The following ZNF585B variants were observed in gnomAD, a reference collection of about 807,000 sequenced individuals.
ZNF585B encodes the protein zinc finger protein 585B, also known as zinc finger protein 41-like protein.
In ZNF585B, 7 loss-of-function variants were observed where a neutral mutation model predicts 14.0. The ratio of observed to expected loss-of-function variants is 0.50; its 90% CI spans 0.28 to 0.94. The LOEUF (loss-of-function observed/expected upper bound fraction) is 0.94, where lower values mean the gene tolerates loss of function less well. Ranked by LOEUF, ZNF585B falls within the 40% of genes least tolerant of loss-of-function variation. The pLI is 0.09. For missense variants in ZNF585B, 750 were observed against 924.4 expected, an observed-to-expected ratio of 0.81 and a Z score of 2.45; for synonymous variants, 290 against 317.3, an observed-to-expected ratio of 0.91 and a Z score of 0.91.
At chr19:37,195,345 C>CAAAAA (rs71177429) in intron 2 of ZNF585B, among the ~76,000 whole-genome samples, 148 of 14,296 alleles carry the variant, frequency 0.01, 6 homozygotes, top group Non-Finnish European at 0.013. Context: ...GACTCTGACT[C>CAAAAA]AAAAAAAAAA....
chr19:37,187,013 G>A lies in ZNF585B; in HGVS notation c.524C>T (p.Thr175Ile), dbSNP rs1490915799. The A allele has an allele frequency of 6.2e-7, 1 of 1,613,178 alleles. No individual in the cohort carries two copies. Among genetic ancestry groups the A allele is most frequent in the Non-Finnish European group, 8.5e-7 (1 of 1,179,758 alleles). Residue 175 changes from threonine to isoleucine, a missense_variant, in exon 5 of 5, where the codon ACA (threonine) becomes ATA (isoleucine). Transcript: ENST00000532828. The stretch of plus-strand genomic sequence containing the variant: ...CTCTCTCATATGGGTTTTCTGATGT[G>A]TGATGAATTCTGGCTTCTGTACAAA... ...RAFVQKPEFI[T>I]HQKTHMREKP...
At chr19:37,189,638 C>A in intron 4 of ZNF585B, 23 bp downstream of exon 4, 1 of 1,612,068 alleles carries the variant, frequency 6.2e-7, no homozygotes, top group South Asian at 1.1e-5. Context: ...TAACCTGAGT[C>A]ACATTCACCT....
intron 1 of ZNF585B, 47 bp from the exon 2 acceptor site, chr19:37,207,301 C>T: frequency 7.3e-7 from 1 of 1,375,044 alleles, no homozygotes; most frequent in Middle Eastern, 2.2e-4. Flanking sequence ...ACTACATAAA[C>T]ACTTCCTGGA....
rs1244209003 is a variant in ZNF585B at position 37,199,104 on chromosome 19, T to C, written c.72+7936A>G. On this transcript the variant is annotated intron_variant, in intron 2 of 4. Coordinates refer to ENST00000532828, the MANE Select transcript of ZNF585B (RefSeq NM_152279.4). Reference sequence around the variant, plus strand: ...TTTTTCTCTTTATCATACACTTGTATAGTCACACCCTACACACACCAAACT... The same window carrying C: ...TTTTTCTCTTTATCATACACTTGTACAGTCACACCCTACACACACCAAACT... 8.8e-6 allele frequency: 9 copies of C among 1,023,142 alleles called. No individual in the cohort carries two copies. The East Asian group carries it at 1.9e-4, about 22-fold the overall frequency. The allele number at this position is 1,023,142 out of a possible 1,614,324, so 63.4% of individuals were successfully genotyped here.
rs1972360039 is a variant in ZNF585B at position 37,188,193 on chromosome 19, A to G, written c.293-949T>C. The stretch of plus-strand genomic sequence containing the variant: ...TGAAATATAAAAATAAAGCAATGAC[A>G]AAAACAAACAAGCCCGGGCATGGTG... On this transcript the variant is annotated intron_variant, in intron 4 of 4. Transcript: ENST00000532828. Among the ~76,000 whole-genome samples the G allele has an allele frequency of 2.0e-5, 3 of 152,342 alleles. No individual in the cohort carries two copies. In the South Asian group the frequency reaches 6.2e-4, roughly 32 times the overall value.
Position 37,207,066 on chromosome 19 carries a change from G to A in ZNF585B, c.46C>T (p.Pro16Ser). ...TCATAGGAGCTGCCATGATCCTCTG[G>A]AGCCAGGGCTGAGGATTTCTGGGGT... ...TSPQKSSALA[P>S]EDHGSSYEGS... The change falls in exon 2 of 5, where the codon CCA becomes TCA. Residue 16 changes from proline (P) to serine (S), a missense_variant. By Grantham distance (74) the Pro-to-Ser change is moderately conservative (BLOSUM62 -1). This residue lies in a region of ZNF585B where 517 missense variants were observed against 570.3 expected (regional missense o/e 0.91). Coordinates refer to ENST00000532828, the MANE Select transcript of ZNF585B (RefSeq NM_152279.4). 1 of 1,614,106 alleles carries A rather than the reference G, an allele frequency of 6.2e-7. No individual in the cohort carries two copies. The highest frequency in any genetic ancestry group is 8.5e-7 in the Non-Finnish European group (1 of 1,180,022).
rs1972383911 is a variant in ZNF585B at position 37,190,153 on chromosome 19, G to A, written c.73-3C>T. 6.2e-7 allele frequency: 1 copy of A among 1,614,178 alleles called. No individual in the cohort carries two copies. The highest frequency in any genetic ancestry group is 8.5e-7 in the Non-Finnish European group (1 of 1,180,026). On this transcript the variant is annotated splice_region_variant and splice_polypyrimidine_tract_variant and intron_variant, in intron 2 of 4. Transcript: ENST00000532828. ...ACATCCCTGAAGGACACTGATCCCT[G>A]TAAGGGCACATTCCTGTTCAATGTG...
Position 37,192,613 on chromosome 19 carries a change from C to A in ZNF585B, c.73-2463G>T, listed in dbSNP as rs561181610. Among the ~76,000 whole-genome samples, 12 of 151,472 alleles carry A rather than the reference C, an allele frequency of 7.9e-5. No homozygotes were observed. In the South Asian group the frequency reaches 2.1e-3, roughly 26 times the overall value. On this transcript the variant is annotated intron_variant, in intron 2 of 4. Transcript: ENST00000532828. Reference sequence around the variant, plus strand: ...ATCACCTAAGGTCAGGAGTTCGAGACCAGCCTGGCCAACATGGTGAAACCC... The same window carrying A: ...ATCACCTAAGGTCAGGAGTTCGAGAACAGCCTGGCCAACATGGTGAAACCC...
At chr19:37,208,958 C>A (rs1423261702) in intron 1 of ZNF585B, among the ~76,000 whole-genome samples, 1 of 151,952 alleles carries the variant, frequency 6.6e-6, no homozygotes, top group Non-Finnish European at 1.5e-5. Context: ...CGGCATTGCA[C>A]TCCAGCCTGG....
chr19:37,190,728 G>A (rs529235218), intron 2 of ZNF585B, among the ~76,000 whole-genome samples: 1 of 151,268 alleles, frequency 6.6e-6, no homozygotes, highest in South Asian at 2.1e-4. Context: ...ACCATACCCG[G>A]CTAAATTTTG....
At chr19:37,191,928 G>A (rs1972406066) in intron 2 of ZNF585B, among the ~76,000 whole-genome samples, 1 of 152,142 alleles carries the variant, frequency 6.6e-6, no homozygotes, top group Non-Finnish European at 1.5e-5. Context: ...TACTCAGGAG[G>A]CTTAGGCAGG....
chr19:37,201,403 A>G (rs904069654), intron 2 of ZNF585B, among the ~76,000 whole-genome samples: 15 of 152,188 alleles, frequency 9.9e-5, no homozygotes, highest in Admixed American at 2.6e-4. Flanking sequence ...ACTTTACATA[A>G]TATCTCCCAG....
At chr19:37,190,695 A>C (rs1382867306) in intron 2 of ZNF585B, among the ~76,000 whole-genome samples, 1 of 151,654 alleles carries the variant, frequency 6.6e-6, no homozygotes, top group Admixed American at 6.6e-5. Flanking sequence ...CCTCCTGAGT[A>C]GCTGGGATTA....
At chr19:37,206,265 A>C (rs187180017) in intron 2 of ZNF585B, among the ~76,000 whole-genome samples, 8 of 152,126 alleles carry the variant, frequency 5.3e-5, no homozygotes, top group African/African-American at 1.9e-4. Flanking sequence ...CAGCCTGATC[A>C]ACACGGAGAA....
chr19:37,188,393 A>G (rs1266249453), intron 4 of ZNF585B, among the ~76,000 whole-genome samples: 1 of 152,168 alleles, frequency 6.6e-6, no homozygotes, highest in Non-Finnish European at 1.5e-5. Flanking sequence ...GGCTGAGGCA[A>G]GAGAATCGCT....
chr19:37,204,403 C>G (rs1972564204), intron 2 of ZNF585B, among the ~76,000 whole-genome samples: 1 of 152,200 alleles, frequency 6.6e-6, no homozygotes, highest in Non-Finnish European at 1.5e-5. Context: ...TGGTGCTACA[C>G]AAAAACAATC....
In ZNF585B at chr19:37,187,114, C is replaced by T; in HGVS notation, c.423G>A (p.Trp141Ter). The T allele has an allele frequency of 6.2e-7, 1 of 1,614,088 alleles. No homozygotes were observed. The highest frequency in any genetic ancestry group is 8.5e-7 in the Non-Finnish European group (1 of 1,180,026). ...TCAGATGTACCTTGAACTGTGACTTCCAGGTGAAGCTCTTTCCAAATTCAG... is the reference window on the plus strand; with the variant it reads ...TCAGATGTACCTTGAACTGTGACTTTCAGGTGAAGCTCTTTCCAAATTCAG... Reference protein sequence around the residue: ...ECAEFGKSFTWKSQFKVHLKV... With the variant: ...ECAEFGKSFT Residue 141 changes from tryptophan to a stop codon, truncating the protein, a stop_gained, in exon 5 of 5, where the codon TGG becomes TGA. Coordinates refer to ENST00000532828, the MANE Select transcript of ZNF585B (RefSeq NM_152279.4). LOFTEE classifies it low-confidence loss of function (END_TRUNC).
intron 4 of ZNF585B, 35 bp downstream of exon 4, chr19:37,189,626 T>C (rs779849081): frequency 6.2e-7 from 1 of 1,610,862 alleles, no homozygotes; most frequent in South Asian, 1.1e-5. Context: ...CTGTCTCCCA[T>C]CTAACCTGAG....
chr19:37,196,356 A>T lies in ZNF585B; in HGVS notation c.73-6206T>A, dbSNP rs1051421320. ...TATTTCAAAATAAAAAGTTTTAAAA[A>T]ATATACTCCTAAAGAAAGATTATTC... is the stretch of plus-strand genomic sequence containing the variant. On this transcript the variant is annotated intron_variant, in intron 2 of 4. Transcript: ENST00000532828. Among the ~76,000 whole-genome samples the T allele has an allele frequency of 4.6e-5, 7 of 152,344 alleles. No homozygotes were observed. In the South Asian group the frequency reaches 1.0e-3, roughly 23 times the overall value.
Sources: gnomAD v4.1 joint callset for allele counts (sites outside exome capture counted in the v4.1 genomes callset) on GRCh38, gnomAD v4.1.1 for gene constraint, gnomAD v4.1.1 regional missense constraint, MANE v1.5 for transcripts, NCBI Gene and HGNC (gene_info 2026-07-23, HGNC 2026-07-21) for gene names.